The following ZNF346 variants were observed in gnomAD, a reference collection of about 807,000 sequenced individuals.
ZNF346 encodes double-stranded RNA-binding zinc finger protein JAZ.
A neutral mutation model predicts 33.7 loss-of-function variants in ZNF346; 23 were observed. The observed-to-expected ratio is 0.68, with a 90% CI of 0.49 to 0.97. ZNF346 has a LOEUF of 0.97. Among genes scored for constraint, ZNF346 ranks in the 50% least tolerant of loss-of-function variants. The pLI, the probability that ZNF346 is intolerant of heterozygous loss-of-function variation, is 0.00. For synonymous variants in ZNF346, 134 were observed against 142.4 expected (o/e 0.94, Z 0.42); for missense variants, 340 against 371.1 (o/e 0.92, Z 0.69).
At chr5:177,071,978 A>T (rs568607305), downstream of ZNF346, among the ~76,000 whole-genome samples, 5 of 152,278 alleles carry the variant, frequency 3.3e-5, no homozygotes, top group African/African-American at 9.6e-5. Flanking sequence ...GCAGTTCTGT[A>T]AATGTTCAAC....
In ZNF346 at chr5:177,028,496, T is replaced by TATATATATATATATATATATA. The variant is rs1554142623; in HGVS notation, c.175+5583_175+5584insATATATATATATATATATATA. On this transcript the variant is annotated intron_variant, in intron 1 of 6. Transcript: ENST00000358149. The stretch of plus-strand genomic sequence containing the variant: ...TTCTCTCTTAAGCACTTGTGACGTT[T>TATATATATATATATATATATA]TATATATATATATATATATATATAT... Among the ~76,000 whole-genome samples the TATATATATATATATATATATA allele has an allele frequency of 2.5e-3, 222 of 90,424 alleles. 8 individuals are homozygous for TATATATATATATATATATATA. Among genetic ancestry groups the TATATATATATATATATATATA allele is most frequent in the African/African-American group, 0.011 (181 of 17,066 alleles). The allele number at this position is 90,424 out of a possible 152,430, so 59.3% of individuals were successfully genotyped here. A position where few individuals can be genotyped will look rare whatever the true frequency, so the allele number is the denominator to read the frequency against.
At chr5:177,042,546 G>A (rs912165188) in intron 3 of ZNF346, among the ~76,000 whole-genome samples, 7 of 151,280 alleles carry the variant, frequency 4.6e-5, no homozygotes, top group Admixed American at 2.0e-4. Flanking sequence ...GGTATTGTGA[G>A]GTAAAATTTC....
downstream of ZNF346, among the ~76,000 whole-genome samples, chr5:177,072,482 G>A (rs1009600456): frequency 6.6e-6 from 1 of 152,154 alleles, no homozygotes; most frequent in African/African-American, 2.4e-5. Flanking sequence ...CCTGTGACCC[G>A]ACTGAGTAAT....
chr5:177,077,027 C>T lies in ZNF346; in HGVS notation c.*3-2355C>T, dbSNP rs985487655. Among the ~76,000 whole-genome samples, 13 of 152,028 alleles carry T rather than the reference C, an allele frequency of 8.6e-5. No homozygotes were observed. The highest frequency in any genetic ancestry group is 1.7e-4 in the African/African-American group (7 of 41,368). ...CTGTACTCCAGCTTGGGCGACAGAGCGAGACTCTCAAGAAAAATAAATAAA... is the reference window on the plus strand; with the variant it reads ...CTGTACTCCAGCTTGGGCGACAGAGTGAGACTCTCAAGAAAAATAAATAAA... On this transcript the variant is annotated intron_variant, in intron 8 of 8. Coordinates refer to the ZNF346 transcript ENST00000503039. This position sits in a 1 kb window ranked among gnomAD's most constrained non-coding sequence, Gnocchi z 5.0.
chr5:177,027,690 T>C (rs1777001365), intron 1 of ZNF346, among the ~76,000 whole-genome samples: 1 of 151,638 alleles, frequency 6.6e-6, no homozygotes, highest in Admixed American at 6.6e-5. Context: ...TTTATTTATT[T>C]AGAGACAGGG....
At chr5:177,055,037 T>G (rs1781480709) in intron 5 of ZNF346, among the ~76,000 whole-genome samples, 2 of 150,380 alleles carry the variant, frequency 1.3e-5, no homozygotes, top group Admixed American at 1.3e-4. Context: ...TACGTAGGTT[T>G]TTTTTTTTTT....
At chr5:177,078,492 G>A (rs1010479669) in intron 8 of ZNF346, among the ~76,000 whole-genome samples, 74 of 152,166 alleles carry the variant, frequency 4.9e-4, no homozygotes, top group African/African-American at 1.6e-3. Context: ...AGTAGTTAAG[G>A]GTGAGGAGTG....
rs148223960 is a variant in ZNF346, at chr5:177,066,797, G to A, written c.*2198G>A. On this transcript the variant is annotated 3_prime_UTR_variant, in exon 7 of 7. Coordinates refer to ENST00000358149, the MANE Select transcript of ZNF346 (RefSeq NM_012279.4). Reference sequence around the variant, plus strand: ...TTGAAGGCTGGGCGCCGTGGCTCACGCCTGTAATCCAAGCACTTTGAGAGG... The same window carrying A: ...TTGAAGGCTGGGCGCCGTGGCTCACACCTGTAATCCAAGCACTTTGAGAGG... Among the ~76,000 whole-genome samples, 2 of 151,218 alleles carry A rather than the reference G, an allele frequency of 1.3e-5. No individual in the cohort carries two copies. Among genetic ancestry groups the A allele is most frequent in the South Asian group, 2.1e-4 (1 of 4,800 alleles).
At chr5:177,060,238 T>C (rs144023084) in intron 5 of ZNF346, among the ~76,000 whole-genome samples, 1,754 of 152,268 alleles carry the variant, frequency 0.012, 11 homozygotes, top group South Asian at 0.025. Flanking sequence ...ATTACCCAGG[T>C]GTGGCCAGGC....
At chr5:177,062,456 C>G (rs1291824762) in intron 6 of ZNF346, among the ~76,000 whole-genome samples, 1 of 152,200 alleles carries the variant, frequency 6.6e-6, no homozygotes, top group African/African-American at 2.4e-5. Flanking sequence ...AAGTGCTTTT[C>G]CACTGGCCTG....
intron 1 of ZNF346, among the ~76,000 whole-genome samples, chr5:177,031,678 AT>A (rs1777718996): frequency 6.6e-6 from 1 of 151,812 alleles, no homozygotes; most frequent in Admixed American, 6.6e-5. Context: ...TTCTTCAAAT[AT>A]TTTTTTCTAC....
At chr5:177,063,869 G>T (rs1782856328) in intron 6 of ZNF346, among the ~76,000 whole-genome samples, 1 of 152,082 alleles carries the variant, frequency 6.6e-6, no homozygotes, top group Non-Finnish European at 1.5e-5. Flanking sequence ...CTATTCTCCA[G>T]TCTGGGTGCC....
At chr5:177,032,836 A>G (rs1489851803) in intron 1 of ZNF346, among the ~76,000 whole-genome samples, 2 of 152,164 alleles carry the variant, frequency 1.3e-5, no homozygotes. Context: ...CAGAAGGATC[A>G]CTTGAGGCCA....
chr5:177,068,752 G>A (rs952178836), downstream of ZNF346, among the ~76,000 whole-genome samples: 35 of 142,806 alleles, frequency 2.5e-4, 8 homozygotes, highest in African/African-American at 1.1e-3. Context: ...GAAGGTTGTA[G>A]GGCTCTTTCC....
chr5:177,022,952 G>T, intron 1 of ZNF346, 39 bp downstream of exon 1: 1 of 1,445,150 alleles, frequency 6.9e-7, no homozygotes, highest in Non-Finnish European at 9.1e-7. Context: ...CCCCTCGCCC[G>T]CTGCGCGGCT....
exon 9 of ZNF346, chr5:177,080,179 A>G (rs1783922640): frequency 6.6e-6 from 1 of 152,248 alleles, no homozygotes; most frequent in African/African-American, 2.4e-5. Flanking sequence ...TGCTGTCTTC[A>G]GAGTATAAAC....
rs186411743 is a variant in ZNF346 at position 177,035,439 on chromosome 5, G to C, written c.176-5687G>C. 4.6e-5 allele frequency among the ~76,000 whole-genome samples: 7 copies of C among 152,126 alleles called. No homozygotes were observed. In the East Asian group the frequency reaches 1.2e-3, roughly 25 times the overall value. On this transcript the variant is annotated intron_variant, in intron 1 of 6. Coordinates refer to ENST00000358149, the MANE Select transcript of ZNF346 (RefSeq NM_012279.4). ...CATGGCAAAAAGGATGTGTAGTCAG[G>C]CTGCCATCTCAGAATTTTGACAATT...
chr5:177,049,750 T>G (rs1388930111), intron 4 of ZNF346, among the ~76,000 whole-genome samples: 1 of 152,164 alleles, frequency 6.6e-6, no homozygotes, highest in East Asian at 1.9e-4. Context: ...GAGCCTCAGT[T>G]TTTCTGAATA....
intron 5 of ZNF346, among the ~76,000 whole-genome samples, chr5:177,057,098 G>A (rs1450312523): frequency 4.6e-5 from 7 of 151,914 alleles, no homozygotes; most frequent in Admixed American, 6.6e-5. Context: ...ATCATCTGAG[G>A]TCAGGAGTTT....
Sources: allele counts gnomAD v4.1 joint callset (sites outside exome capture counted in the v4.1 genomes callset), GRCh38; gene constraint gnomAD v4.1.1; non-coding constraint Gnocchi (gnomAD v3.1); transcripts MANE v1.5; gene names NCBI Gene and HGNC (gene_info 2026-07-23, HGNC 2026-07-21).